SYT14: variants seen among roughly 807,000 people sequenced by gnomAD.
The protein encoded by SYT14 is synaptotagmin-14.
Under a neutral mutation model 74.2 loss-of-function variants are expected in SYT14, and 32 were observed. The ratio of observed to expected loss-of-function variants is 0.43; its 90% confidence interval spans 0.33 to 0.58. SYT14 has a LOEUF of 0.58. Among genes scored for constraint, SYT14 ranks in the 20% least tolerant of loss-of-function variants. The pLI, the probability that SYT14 is intolerant of heterozygous loss-of-function variation, is 0.05. For synonymous variants in SYT14, 298 were observed against 337.7 expected (o/e 0.88, Z 1.29); for missense variants, 791 against 981.8 (o/e 0.81, Z 2.60).
At chr1:210,080,535 G>C (rs901831152) in intron 5 of SYT14, among the ~76,000 whole-genome samples, 5 of 152,122 alleles carry the variant, frequency 3.3e-5, no homozygotes, top group African/African-American at 1.2e-4. Flanking sequence ...AGGTTTCACT[G>C]CCCTGCCAGT....
At chr1:210,095,418 A>C (rs1238008884) in intron 6 of SYT14, among the ~76,000 whole-genome samples, 1 of 151,946 alleles carries the variant, frequency 6.6e-6, no homozygotes, top group African/African-American at 2.4e-5. Flanking sequence ...CACACCCACA[A>C]ATTTTTTAAT....
intron 5 of SYT14, among the ~76,000 whole-genome samples, chr1:210,053,764 T>G (rs2081045664): frequency 2.0e-5 from 3 of 152,200 alleles, no homozygotes; most frequent in African/African-American, 7.2e-5. Context: ...CTAACTCTGG[T>G]CTTATCATCA....
chr1:209,944,926 C>G (rs756690595), intron 1 of SYT14, among the ~76,000 whole-genome samples: 1 of 152,114 alleles, frequency 6.6e-6, no homozygotes, highest in Non-Finnish European at 1.5e-5. Context: ...ATTTTATGTT[C>G]TACTTGGTGA....
chr1:209,952,938 G>A (rs2078935328), intron 2 of SYT14, 182 bp downstream of exon 2: 1 of 1,110,214 alleles, frequency 9.0e-7, no homozygotes. Flanking sequence ...TGATTATTGA[G>A]AGTTGTTGCT....
intron 5 of SYT14, among the ~76,000 whole-genome samples, chr1:210,070,379 A>G (rs1198309685): frequency 6.6e-6 from 1 of 152,114 alleles, no homozygotes; most frequent in Non-Finnish European, 1.5e-5. Context: ...TTCCACTTTC[A>G]AAATGGAACT....
At chr1:209,990,511 A>C (rs2079645026) in intron 2 of SYT14, among the ~76,000 whole-genome samples, 1 of 142,676 alleles carries the variant, frequency 7.0e-6, no homozygotes, top group Non-Finnish European at 1.5e-5. Context: ...TTTAAGGATG[A>C]AGGAATATTT....
chr1:210,154,503 C>T (rs2102708955), intron 7 of SYT14, among the ~76,000 whole-genome samples: 1 of 152,262 alleles, frequency 6.6e-6, no homozygotes, highest in Non-Finnish European at 1.5e-5. Flanking sequence ...CTAGAAGAAA[C>T]AACTTTCTTC....
At chr1:210,112,037 G>A (rs983006750) in intron 7 of SYT14, among the ~76,000 whole-genome samples, 1 of 151,174 alleles carries the variant, frequency 6.6e-6, no homozygotes, top group Non-Finnish European at 1.5e-5. Context: ...ACTAGTAAAG[G>A]CCGGTCCGTT....
intron 5 of SYT14, among the ~76,000 whole-genome samples, chr1:210,089,864 A>G (rs2081827911): frequency 6.6e-6 from 1 of 152,254 alleles, no homozygotes; most frequent in South Asian, 2.1e-4. Context: ...ATTTAAGCAT[A>G]GTGAAACGAA....
intron 2 of SYT14, among the ~76,000 whole-genome samples, chr1:209,986,989 G>A (rs1321460169): frequency 6.6e-6 from 1 of 152,154 alleles, no homozygotes; most frequent in Admixed American, 6.5e-5. Flanking sequence ...CAAGCTCTTT[G>A]TTAAGGCATA....
At chr1:210,027,018 A>G (rs1572178757) in intron 5 of SYT14, among the ~76,000 whole-genome samples, 1 of 152,192 alleles carries the variant, frequency 6.6e-6, no homozygotes, top group East Asian at 1.9e-4. Context: ...TGATCCCCCC[A>G]TTCAGTCAGA....
intron 2 of SYT14, among the ~76,000 whole-genome samples, chr1:210,008,903 A>AT (rs2080037176): frequency 6.6e-6 from 1 of 152,106 alleles, no homozygotes; most frequent in Non-Finnish European, 1.5e-5. Flanking sequence ...AATCAGTGTA[A>AT]TTTTTTAATT....
At chr1:210,124,806 T>G (rs1189555914) in intron 7 of SYT14, among the ~76,000 whole-genome samples, 1 of 152,182 alleles carries the variant, frequency 6.6e-6, no homozygotes, top group African/African-American at 2.4e-5. Flanking sequence ...CCAAAGTCAC[T>G]GTGTTACATT....
At chr1:209,977,325 T>A (rs1194146341) in intron 2 of SYT14, among the ~76,000 whole-genome samples, 2 of 152,208 alleles carry the variant, frequency 1.3e-5, no homozygotes, top group East Asian at 3.8e-4. Flanking sequence ...ATTTGGCATG[T>A]TTTTGCAGTG....
intron 2 of SYT14, among the ~76,000 whole-genome samples, chr1:209,990,922 G>C (rs1014646472): frequency 6.6e-6 from 1 of 151,896 alleles, no homozygotes; most frequent in African/African-American, 2.4e-5. Context: ...AAAATAGCAT[G>C]GTATAAAAAT....
chr1:210,049,899 C>CA (rs1285559465), intron 5 of SYT14, among the ~76,000 whole-genome samples: 1 of 152,188 alleles, frequency 6.6e-6, no homozygotes, highest in African/African-American at 2.4e-5. Flanking sequence ...GCCTGGCCCA[C>CA]AAAACCACTT....
At chr1:210,012,176 A>G (rs1308721542) in intron 2 of SYT14, among the ~76,000 whole-genome samples, 1 of 152,208 alleles carries the variant, frequency 6.6e-6, no homozygotes, top group African/African-American at 2.4e-5. Flanking sequence ...AAATATAATC[A>G]TAGAGTCCAT....
At chr1:210,045,514 G>A (rs1004173805) in intron 5 of SYT14, among the ~76,000 whole-genome samples, 14 of 152,070 alleles carry the variant, frequency 9.2e-5, no homozygotes, top group Non-Finnish European at 1.8e-4. Context: ...TGCTACTAGC[G>A]GTTTTGAAGG....
At chr1:210,079,988 T>C (rs912147423) in intron 5 of SYT14, among the ~76,000 whole-genome samples, 1 of 152,254 alleles carries the variant, frequency 6.6e-6, no homozygotes, top group Non-Finnish European at 1.5e-5. Context: ...TCTTTGTTGA[T>C]ATTGAGTTGT....
Sources: allele counts gnomAD v4.1 joint callset (sites outside exome capture counted in the v4.1 genomes callset), GRCh38; gene constraint gnomAD v4.1.1; transcripts MANE v1.5; gene names NCBI Gene and HGNC (gene_info 2026-07-23, HGNC 2026-07-21).